The following GOLIM4 variants were observed in gnomAD, a reference collection of about 807,000 sequenced individuals.
GOLIM4 encodes 130 kDa golgi-localized phosphoprotein.
In GOLIM4, 71 loss-of-function variants were observed where a neutral mutation model predicts 107.4. The observed-to-expected ratio is 0.66, with a 90% CI of 0.55 to 0.81. The LOEUF is 0.81. GOLIM4 is among the 30% of genes least tolerant of loss of function. The probability of loss-of-function intolerance (pLI) is 0.00; values close to 1 mark genes in which losing one functional copy is unlikely to be tolerated. For synonymous variants in GOLIM4, 327 were observed against 294.8 expected (o/e 1.11, Z -1.12); for missense variants, 830 against 826.1 (o/e 1.00, Z -0.06).
intron 8 of GOLIM4, among the ~76,000 whole-genome samples, chr3:168,034,897 G>A (rs1188071626): frequency 6.6e-6 from 1 of 152,158 alleles, no homozygotes; most frequent in East Asian, 1.9e-4. Context: ...CTTCCACCAT[G>A]ATTGTGAGGC....
rs944686757 is a variant in GOLIM4, at chr3:168,016,910, G to A, written c.1861-6087C>T. Among the ~76,000 whole-genome samples the A allele has an allele frequency of 2.7e-4, 37 of 138,676 alleles. 2 individuals carry two copies. Among genetic ancestry groups the A allele is most frequent in the Non-Finnish European group, 5.0e-4 (34 of 67,746 alleles). The allele number at this position is 138,676 out of a possible 152,430, so 91.0% of individuals were successfully genotyped here. ...ACTGTGGTGGGGTGGAGGGAGGGGCGAGGGATAGCATTGGGAAATATACCT... is the reference window on the plus strand; with the variant it reads ...ACTGTGGTGGGGTGGAGGGAGGGGCAAGGGATAGCATTGGGAAATATACCT... On this transcript the variant is annotated intron_variant, in intron 14 of 15. Coordinates refer to ENST00000470487, the MANE Select transcript of GOLIM4 (RefSeq NM_014498.5).
At chr3:168,087,913 T>G (rs1385620077) in intron 1 of GOLIM4, among the ~76,000 whole-genome samples, 1 of 152,218 alleles carries the variant, frequency 6.6e-6, no homozygotes, top group Non-Finnish European at 1.5e-5. Context: ...AAAAATAATT[T>G]AATTTTCTCA....
chr3:168,091,026 A>AG (rs34465285), intron 1 of GOLIM4, among the ~76,000 whole-genome samples: 24,533 of 151,624 alleles, frequency 0.16, 3,013 homozygotes, highest in African/African-American at 0.35. Flanking sequence ...GGAGGCTAGC[A>AG]GGGGGTGAGA....
chr3:168,040,586 C>T (rs1718929085), intron 7 of GOLIM4, among the ~76,000 whole-genome samples, 200 bp downstream of exon 7: 2 of 152,152 alleles, frequency 1.3e-5, no homozygotes, highest in South Asian at 4.1e-4. Flanking sequence ...TTATGTACCG[C>T]ACAACCAGTG....
At chr3:168,058,916 CAG>C (rs1476095995) in intron 1 of GOLIM4, among the ~76,000 whole-genome samples, 1 of 152,058 alleles carries the variant, frequency 6.6e-6, no homozygotes, top group Non-Finnish European at 1.5e-5. Flanking sequence ...ATCTAGCAAT[CAG>C]ATTGCAGCTG....
At chr3:168,028,066 A>T (rs916464604) in intron 11 of GOLIM4, among the ~76,000 whole-genome samples, 1 of 152,102 alleles carries the variant, frequency 6.6e-6, no homozygotes, top group Non-Finnish European at 1.5e-5. Flanking sequence ...TAAAATAAAT[A>T]TTTTTCACAG....
chr3:168,087,417 C>T (rs1170533814), intron 1 of GOLIM4, among the ~76,000 whole-genome samples: 2 of 152,158 alleles, frequency 1.3e-5, no homozygotes, highest in Admixed American at 6.5e-5. Flanking sequence ...TTCTCCATTA[C>T]TTGTCAGGAA....
intron 5 of GOLIM4, 64 bp from the exon 6 acceptor site, chr3:168,041,538 T>G: frequency 1.3e-6 from 1 of 774,562 alleles, no homozygotes. Flanking sequence ...GTTTCTATTA[T>G]TTTCATATCT....
At chr3:168,045,624 TC>T (rs1176360050) in intron 3 of GOLIM4, among the ~76,000 whole-genome samples, 1 of 152,114 alleles carries the variant, frequency 6.6e-6, no homozygotes, top group African/African-American at 2.4e-5. Context: ...CACACCTGAT[TC>T]TTTTCCCTCT....
intron 1 of GOLIM4, among the ~76,000 whole-genome samples, chr3:168,050,682 G>A (rs1369372359): frequency 6.6e-6 from 1 of 151,968 alleles, no homozygotes; most frequent in Admixed American, 6.6e-5. Context: ...AAGTGAATCT[G>A]ATTGCACTAA....
intron 1 of GOLIM4, among the ~76,000 whole-genome samples, chr3:168,083,076 A>G (rs1292393301): frequency 6.6e-6 from 1 of 152,216 alleles, no homozygotes; most frequent in Admixed American, 6.5e-5. Flanking sequence ...ATGTGGAATT[A>G]TAACTGTTCA....
chr3:168,095,321 C>T lies in GOLIM4; in HGVS notation c.-36G>A. The stretch of plus-strand genomic sequence containing the variant: ...GGACCCAAAGCCGCGGCCGCCCCCG[C>T]CGTCTCCTCCCCTTGGTCCGAGCGA... On this transcript the variant is annotated 5_prime_UTR_variant, in exon 1 of 16. Coordinates refer to ENST00000470487, the MANE Select transcript of GOLIM4 (RefSeq NM_014498.5). 1 of 1,583,356 alleles carries T rather than the reference C, an allele frequency of 6.3e-7. No homozygotes were observed. Among genetic ancestry groups the T allele is most frequent in the South Asian group, 1.1e-5 (1 of 89,128 alleles).
At chr3:168,022,555 TCTC>T (rs759126586) in intron 14 of GOLIM4, among the ~76,000 whole-genome samples, 7 of 152,098 alleles carry the variant, frequency 4.6e-5, no homozygotes, top group South Asian at 2.1e-4. Context: ...GAACCACTCT[TCTC>T]CTCTCTCAAG....
At chr3:168,033,327 C>T (rs531675111) in intron 8 of GOLIM4, among the ~76,000 whole-genome samples, 98 of 148,016 alleles carry the variant, frequency 6.6e-4, no homozygotes, top group African/African-American at 2.3e-3. Context: ...TGCCATTGGC[C>T]GGGCGCGGTG....
At chr3:168,085,115 C>T (rs938511484) in intron 1 of GOLIM4, among the ~76,000 whole-genome samples, 4 of 152,132 alleles carry the variant, frequency 2.6e-5, no homozygotes, top group Admixed American at 2.6e-4. Flanking sequence ...AAAAAGGAGG[C>T]AGGACTTGAT....
chr3:168,065,308 G>C (rs1720493270), intron 1 of GOLIM4, among the ~76,000 whole-genome samples: 1 of 152,192 alleles, frequency 6.6e-6, no homozygotes, highest in African/African-American at 2.4e-5. Flanking sequence ...TTAAGTTTAA[G>C]TAAGAGAGGA....
At chr3:168,086,711 C>T (rs1372123966) in intron 1 of GOLIM4, among the ~76,000 whole-genome samples, 1 of 152,068 alleles carries the variant, frequency 6.6e-6, no homozygotes, top group Non-Finnish European at 1.5e-5. Context: ...TGCCCATGTC[C>T]CTCCGGGCTA....
chr3:168,011,292 T>A (rs1266219040), intron 14 of GOLIM4, among the ~76,000 whole-genome samples: 2 of 152,066 alleles, frequency 1.3e-5, no homozygotes, highest in East Asian at 3.9e-4. Context: ...GGACGGCACC[T>A]GGAAAATCGC....
intron 1 of GOLIM4, among the ~76,000 whole-genome samples, chr3:168,064,703 C>T (rs1720451230): frequency 6.7e-6 from 1 of 150,104 alleles, no homozygotes; most frequent in South Asian, 2.1e-4. Context: ...TCCTGAGTCG[C>T]TGGGACTACA....
Sources: gnomAD v4.1 joint callset for allele counts (sites outside exome capture counted in the v4.1 genomes callset) on GRCh38, gnomAD v4.1.1 for gene constraint, MANE v1.5 for transcripts, NCBI Gene and HGNC (gene_info 2026-07-23, HGNC 2026-07-21) for gene names.